ADGRL4: variants seen among roughly 807,000 people sequenced by gnomAD.
ADGRL4 encodes the protein adhesion G protein-coupled receptor L4.
Under a neutral mutation model 74.8 loss-of-function variants are expected in ADGRL4, and 90 were observed. That is an observed-to-expected ratio of 1.20 (90% CI 1.02 to 1.43). ADGRL4 has a LOEUF of 1.43. ADGRL4 is among the 40% of genes most tolerant of loss of function. ADGRL4 has a pLI of 0.00. For missense variants in ADGRL4, 881 were observed against 814.3 expected, an observed-to-expected ratio of 1.08 and a Z score of -1.00; for synonymous variants, 311 against 279.2, an observed-to-expected ratio of 1.11 and a Z score of -1.14.
At chr1:78,945,177 A>AAAAATATATATATATATAT (rs376405445) in intron 3 of ADGRL4, among the ~76,000 whole-genome samples, 1 of 127,922 alleles carries the variant, frequency 7.8e-6, no homozygotes, top group African/African-American at 2.9e-5. Flanking sequence ...AAAAAAAAAA[A>AAAAATATATATATATATAT]ATATATATAT....
intron 12 of ADGRL4, among the ~76,000 whole-genome samples, chr1:78,912,964 A>G (rs541952142): frequency 1.3e-5 from 2 of 152,090 alleles, no homozygotes; most frequent in South Asian, 4.1e-4. Context: ...ACCCCATTAC[A>G]ATGGGGACAA....
chr1:78,915,841 A>G (rs907176860), intron 12 of ADGRL4, among the ~76,000 whole-genome samples: 5 of 151,936 alleles, frequency 3.3e-5, no homozygotes, highest in African/African-American at 1.2e-4. Flanking sequence ...AACAAAGATA[A>G]CTGGAGATAA....
chr1:79,006,598 G>C (rs1449605738), intron 1 of ADGRL4, 35 bp downstream of exon 1: 1 of 1,533,420 alleles, frequency 6.5e-7, no homozygotes, highest in South Asian at 1.2e-5. Flanking sequence ...TGGTCCCTCC[G>C]ACGACCTCGG....
chr1:79,004,167 A>G (rs899037148), intron 2 of ADGRL4, among the ~76,000 whole-genome samples: 1 of 152,140 alleles, frequency 6.6e-6, no homozygotes, highest in African/African-American at 2.4e-5. Context: ...GAAAAAGTTC[A>G]TGTTATCCTG....
At chr1:78,909,085 A>G (rs1648704061) in intron 12 of ADGRL4, among the ~76,000 whole-genome samples, 1 of 151,984 alleles carries the variant, frequency 6.6e-6, no homozygotes, top group Non-Finnish European at 1.5e-5. Context: ...TAATATGGAT[A>G]AAGGTTAGAG....
intron 7 of ADGRL4, among the ~76,000 whole-genome samples, chr1:78,929,117 CT>C (rs1330999688): frequency 6.6e-6 from 1 of 151,464 alleles, no homozygotes; most frequent in East Asian, 1.9e-4. Flanking sequence ...AGTCTATTAT[CT>C]TTTTATCATA....
chr1:78,924,127 T>C (rs1445765979), intron 8 of ADGRL4, among the ~76,000 whole-genome samples: 1 of 151,968 alleles, frequency 6.6e-6, no homozygotes, highest in Admixed American at 6.6e-5. Context: ...TTAATTAAAA[T>C]ATTAATTGCA....
Position 78,939,193 on chromosome 1 carries a change from T to C in ADGRL4, c.391A>G (p.Thr131Ala), listed in dbSNP as rs1444494787. The C allele has an allele frequency of 1.3e-6, 2 of 1,562,172 alleles. No homozygotes were observed. Among genetic ancestry groups the C allele is most frequent in the Middle Eastern group, 3.4e-4 (2 of 5,842 alleles). ...TTGTTAACTGTTCTACTTACTTTTG[T>C]TAAAGTTTTATTAATATTTGCAGCT... is the stretch of plus-strand genomic sequence containing the variant. ...CIAANINKTL[T>A]KIRSIKEPVA... Residue 131 changes from threonine to alanine, a missense_variant, in exon 4 of 15, where the codon ACA becomes GCA. By Grantham distance (58) the Thr-to-Ala change is moderately conservative. Coordinates refer to ENST00000370742, the MANE Select transcript of ADGRL4 (RefSeq NM_022159.4).
chr1:78,942,541 A>G (rs996549069), intron 3 of ADGRL4, among the ~76,000 whole-genome samples: 1 of 152,190 alleles, frequency 6.6e-6, no homozygotes, highest in African/African-American at 2.4e-5. Context: ...TTACTGATTG[A>G]CCCACTTTCC....
intron 4 of ADGRL4, among the ~76,000 whole-genome samples, chr1:78,938,902 T>C (rs911492385): frequency 6.6e-6 from 1 of 152,092 alleles, no homozygotes; most frequent in Admixed American, 6.5e-5. Context: ...AGTATCTCTT[T>C]ACTATTTTTT....
intron 2 of ADGRL4, among the ~76,000 whole-genome samples, chr1:78,964,236 T>G (rs1650010416): frequency 6.6e-6 from 1 of 152,230 alleles, no homozygotes; most frequent in Non-Finnish European, 1.5e-5. Flanking sequence ...ATCAGAGTGA[T>G]CCTGCTATTA....
intron 2 of ADGRL4, among the ~76,000 whole-genome samples, chr1:79,001,086 T>C (rs376826144): frequency 6.6e-6 from 1 of 150,642 alleles, no homozygotes; most frequent in Non-Finnish European, 1.5e-5. Context: ...TTTTGAGGAT[T>C]GTAATTTAAA....
At chr1:78,933,420 A>T (rs1488880676) in intron 7 of ADGRL4, among the ~76,000 whole-genome samples, 1 of 151,382 alleles carries the variant, frequency 6.6e-6, no homozygotes, top group Non-Finnish European at 1.5e-5. Context: ...GATACTGATG[A>T]AACATATCTT....
chr1:78,905,238 G>A (rs1479020072), intron 12 of ADGRL4, among the ~76,000 whole-genome samples: 1 of 152,010 alleles, frequency 6.6e-6, no homozygotes, highest in Non-Finnish European at 1.5e-5. Flanking sequence ...CCTCATTTCT[G>A]TTGAAACTTC....
At chr1:78,906,926 T>C (rs1648655600) in intron 12 of ADGRL4, among the ~76,000 whole-genome samples, 1 of 152,002 alleles carries the variant, frequency 6.6e-6, no homozygotes, top group Non-Finnish European at 1.5e-5. Context: ...TTTCTGACTT[T>C]TAAAAAATGC....
intron 2 of ADGRL4, among the ~76,000 whole-genome samples, chr1:78,960,400 AC>A (rs1649925884): frequency 6.6e-6 from 1 of 152,158 alleles, no homozygotes; most frequent in Admixed American, 6.6e-5. Flanking sequence ...TTTAGAACAT[AC>A]CATAAATTTG....
In ADGRL4 at chr1:79,005,184, G is replaced by A. The variant is rs1216973638; in HGVS notation, c.58C>T (p.Gln20Ter). The A allele has an allele frequency of 6.5e-5, 105 of 1,613,244 alleles. No homozygotes were observed. The highest frequency in any genetic ancestry group is 8.5e-5 in the Non-Finnish European group (100 of 1,179,602). ...AGACAAGGTGTCTTGGTGCAATTTT[G>A]AGTATAGGAACAATTCAACAAAGTG... ...FSTLLNCSYT[Q>*]NCTKTPCLPN... The change falls in exon 2 of 15, where the codon CAA becomes TAA. Residue 20 changes from glutamine to a stop codon, truncating the protein, a stop_gained. Transcript: ENST00000370742. LOFTEE classifies it high-confidence loss of function.
At chr1:78,912,845 A>G (rs1648792181) in intron 12 of ADGRL4, among the ~76,000 whole-genome samples, 1 of 152,002 alleles carries the variant, frequency 6.6e-6, no homozygotes, top group Admixed American at 6.6e-5. Context: ...CAGAATAAAC[A>G]GACAACCTAT....
chr1:78,985,614 A>G (rs1650477036), intron 2 of ADGRL4, among the ~76,000 whole-genome samples: 1 of 151,836 alleles, frequency 6.6e-6, no homozygotes. Context: ...ATGAAGACAG[A>G]AAACCAGGGA....
Sources: allele counts gnomAD v4.1 joint callset (sites outside exome capture counted in the v4.1 genomes callset), GRCh38; gene constraint gnomAD v4.1.1; transcripts MANE v1.5; gene names NCBI Gene and HGNC (gene_info 2026-07-23, HGNC 2026-07-21).